Variants in TUBGCP3 observed in about 807,000 individuals in gnomAD.
TUBGCP3 encodes tubulin gamma complex component 3, also known as gamma-tubulin complex component 3.
TUBGCP3 carries 50 observed loss-of-function variants against 123.1 expected under a neutral mutation model. The ratio of observed to expected loss-of-function variants is 0.41; its 90% CI spans 0.32 to 0.51. TUBGCP3 has a LOEUF of 0.51. TUBGCP3 is among the 20% of genes least tolerant of loss of function. TUBGCP3 has a pLI of 0.36. For missense variants in TUBGCP3, 882 were observed against 1,127.0 expected, an observed-to-expected ratio of 0.78 and a Z score of 3.11; for synonymous variants, 405 against 413.9, an observed-to-expected ratio of 0.98 and a Z score of 0.26.
intron 11 of TUBGCP3, among the ~76,000 whole-genome samples, chr13:112,542,845 G>A (rs1370848916): frequency 6.6e-6 from 1 of 152,016 alleles, no homozygotes; most frequent in Non-Finnish European, 1.5e-5. Flanking sequence ...TAAACAAAAG[G>A]TACAGAGCTT....
chr13:112,595,761 C>T, the TUBGCP3 span, among the ~76,000 whole-genome samples: 1 of 151,936 alleles, frequency 6.6e-6, no homozygotes, highest in South Asian at 2.1e-4. Context: ...GCCTTCTAAT[C>T]TCTATCTTCT....
intron 19 of TUBGCP3, among the ~76,000 whole-genome samples, chr13:112,501,230 C>G (rs1449568332): frequency 6.6e-6 from 1 of 152,160 alleles, no homozygotes; most frequent in African/African-American, 2.4e-5. Flanking sequence ...TTGACAGGGT[C>G]TTAAATAAGC....
intron 1 of TUBGCP3, 24 bp downstream of exon 1, chr13:112,587,881 C>A (rs748437530): frequency 2.5e-6 from 4 of 1,582,794 alleles, no homozygotes; most frequent in Non-Finnish European, 3.4e-6. Flanking sequence ...GGTCTGCGGG[C>A]TTCGCGTCGC....
chr13:112,556,675 CT>C (rs1880073666), intron 5 of TUBGCP3, among the ~76,000 whole-genome samples: 1 of 152,178 alleles, frequency 6.6e-6, no homozygotes, highest in African/African-American at 2.4e-5. Context: ...CCCCAGGCGC[CT>C]GGCCTCACCT....
chr13:112,503,178 C>T (rs1261152965), intron 19 of TUBGCP3, among the ~76,000 whole-genome samples: 1 of 152,154 alleles, frequency 6.6e-6, no homozygotes, highest in Admixed American at 6.5e-5. Context: ...TTGAAATTTG[C>T]CCCCTACTTC....
At chr13:112,605,303 T>A in the TUBGCP3 span, 1 of 120,396 alleles carries the variant, frequency 8.3e-6, no homozygotes, top group African/African-American at 2.8e-5. Flanking sequence ...AGCGAGACTG[T>A]CTTAAATGAT....
At chr13:112,590,166 CG>C, upstream of TUBGCP3, among the ~76,000 whole-genome samples, 2 of 152,064 alleles carry the variant, frequency 1.3e-5, no homozygotes, top group East Asian at 3.9e-4. Context: ...TTAGTAGAGA[CG>C]GGGTTACACT....
At chr13:112,595,257 T>A in the TUBGCP3 span, among the ~76,000 whole-genome samples, 1 of 151,744 alleles carries the variant, frequency 6.6e-6, no homozygotes, top group Non-Finnish European at 1.5e-5. Context: ...AGTGCAGTGG[T>A]GCAATCTCAG....
Position 112,516,459 on chromosome 13 carries a change from C to G in TUBGCP3, c.2067G>C (p.Lys689Asn). The change falls in exon 17 of 22, where the codon AAG (lysine) becomes AAC (asparagine). Residue 689 changes from lysine (K) to asparagine (N), a missense_variant. Transcript: ENST00000261965. Reference sequence around the variant, plus strand: ...GCTCACCTGGCATGTTTCTCAGGAGCTTTGCATTGCACATGTGTCCCTTCC... The same window carrying G: ...GCTCACCTGGCATGTTTCTCAGGAGGTTTGCATTGCACATGTGTCCCTTCC... The part of the protein sequence containing the change: ...DIRKGHMCNA[K>N]LLRNMPEFSG... 3 of 1,609,210 alleles carry G rather than the reference C, an allele frequency of 1.9e-6. No homozygotes were observed. The highest frequency in any genetic ancestry group is 2.5e-6 in the Non-Finnish European group (3 of 1,177,664).
intron 14 of TUBGCP3, chr13:112,521,974 A>G (rs571988523): frequency 2.2e-6 from 1 of 445,280 alleles, no homozygotes; most frequent in Admixed American, 6.4e-5. Flanking sequence ...CAACTTTAAA[A>G]TATATATTTT....
intron 13 of TUBGCP3, 114 bp from the exon 14 acceptor site, chr13:112,522,623 TAA>T: frequency 9.1e-6 from 9 of 991,830 alleles, no homozygotes; most frequent in Non-Finnish European, 1.3e-5. Flanking sequence ...GTGGCATCAG[TAA>T]CAGACTGACC....
chr13:112,516,337 G>C (rs1318835678), intron 17 of TUBGCP3, 103 bp downstream of exon 17: 1 of 1,241,560 alleles, frequency 8.1e-7, no homozygotes, highest in Non-Finnish European at 1.0e-6. Context: ...AGCTGTCACC[G>C]TGAGTCTACC....
At chr13:112,502,720 T>C (rs1484652022) in intron 19 of TUBGCP3, among the ~76,000 whole-genome samples, 1 of 151,914 alleles carries the variant, frequency 6.6e-6, no homozygotes, top group Non-Finnish European at 1.5e-5. Flanking sequence ...TAATTTTTTG[T>C]ATTTTTAGTA....
At chr13:112,526,125 TATC>T (rs1009643609) in intron 13 of TUBGCP3, among the ~76,000 whole-genome samples, 3 of 152,026 alleles carry the variant, frequency 2.0e-5, no homozygotes, top group African/African-American at 7.3e-5. Context: ...TTGTCATTAC[TATC>T]ATCACATCAC....
Position 112,547,754 on chromosome 13 carries a change from T to TA in TUBGCP3, c.1036-3dup. The stretch of plus-strand genomic sequence containing the variant: ...ACCCTGGTCATCCTCTAGTTGTAGC[T>TA]AAAAAACAATAAAGATAGAAATGTT... On this transcript the variant is annotated splice_polypyrimidine_tract_variant and splice_region_variant and intron_variant, in intron 9 of 21. Coordinates refer to ENST00000261965, the MANE Select transcript of TUBGCP3 (RefSeq NM_006322.6). 2 of 1,461,138 alleles carry TA rather than the reference T, an allele frequency of 1.4e-6. No homozygotes were observed. Among genetic ancestry groups the TA allele is most frequent in the Non-Finnish European group, 1.8e-6 (2 of 1,102,276 alleles). 90.5% of individuals were successfully genotyped at this position (1,461,138 alleles called of 1,614,324 possible).
At chr13:112,564,086 G>A (rs79441974) in intron 3 of TUBGCP3, among the ~76,000 whole-genome samples, 8,998 of 152,188 alleles carry the variant, frequency 0.059, 437 homozygotes, top group Non-Finnish European at 0.078. Flanking sequence ...AAATGATACA[G>A]CAGTTTGAAA....
intron 17 of TUBGCP3, among the ~76,000 whole-genome samples, chr13:112,513,456 G>A (rs1038886053): frequency 4.6e-5 from 7 of 152,300 alleles, no homozygotes; most frequent in Non-Finnish European, 8.8e-5. Flanking sequence ...ACTACTTTCT[G>A]CACACCATGA....
intron 17 of TUBGCP3, among the ~76,000 whole-genome samples, chr13:112,514,083 G>T (rs1875867126): frequency 6.6e-6 from 1 of 152,178 alleles, no homozygotes; most frequent in Admixed American, 6.5e-5. Context: ...GGTGAGCACA[G>T]TACGGTGAGA....
At chr13:112,527,268 C>T (rs1877210836) in intron 12 of TUBGCP3, 106 bp downstream of exon 12, 1 of 881,412 alleles carries the variant, frequency 1.1e-6, no homozygotes, top group Non-Finnish European at 1.7e-6. Flanking sequence ...AGAACGTTAA[C>T]AATCTCAAAA....
Sources: gnomAD v4.1 joint callset for allele counts (sites outside exome capture counted in the v4.1 genomes callset) on GRCh38, gnomAD v4.1.1 for gene constraint, MANE v1.5 for transcripts, NCBI Gene and HGNC (gene_info 2026-07-23, HGNC 2026-07-21) for gene names.